Variants in PTPRR observed in about 807,000 individuals in gnomAD.
PTPRR encodes the protein protein tyrosine phosphatase receptor type R.
In PTPRR, 38 loss-of-function variants were observed where a neutral mutation model predicts 77.2. The observed-to-expected ratio is 0.49, with a 90% CI of 0.38 to 0.65. The LOEUF (loss-of-function observed/expected upper bound fraction) is 0.65, where lower values mean the gene tolerates loss of function less well. Among genes scored for constraint, PTPRR ranks in the 30% least tolerant of loss-of-function variants. The pLI, the probability that PTPRR is intolerant of heterozygous loss-of-function variation, is 0.00. For synonymous variants in PTPRR, 299 were observed against 283.1 expected (o/e 1.06, Z -0.57); for missense variants, 744 against 799.2 (o/e 0.93, Z 0.83).
chr12:70,771,041 T>C (rs1443166465), intron 2 of PTPRR, among the ~76,000 whole-genome samples: 1 of 150,482 alleles, frequency 6.6e-6, no homozygotes, highest in African/African-American at 2.4e-5. Context: ...TTTTAGGAGA[T>C]ATACCTAATG....
At chr12:70,756,645 A>T (rs921100466) in intron 4 of PTPRR, among the ~76,000 whole-genome samples, 1 of 152,184 alleles carries the variant, frequency 6.6e-6, no homozygotes, top group African/African-American at 2.4e-5. Flanking sequence ...ACTTAGTTGC[A>T]GTGAAAGAAG....
rs1292530177 is a variant in PTPRR, at chr12:70,754,282, T to C, written c.647A>G (p.Gln216Arg). The change falls in exon 5 of 14, where the codon CAG becomes CGG. Residue 216 changes from glutamine to arginine, a missense_variant. Transcript: ENST00000283228. ...VSPEKNVLQG[Q>R]HEADKIWSKE... ...GCTCCAGATTTTGTCCGCTTCATGCTGCCCTTGTAAAACATTTTTCTTTAA... is the reference window on the plus strand; with the variant it reads ...GCTCCAGATTTTGTCCGCTTCATGCCGCCCTTGTAAAACATTTTTCTTTAA... 3 of 1,613,446 alleles carry C rather than the reference T, an allele frequency of 1.9e-6. No homozygotes were observed. Among genetic ancestry groups the C allele is most frequent in the Admixed American group, 3.3e-5 (2 of 59,794 alleles).
At chr12:70,672,359 G>T in intron 10 of PTPRR, 1 of 1,408,106 alleles carries the variant, frequency 7.1e-7, no homozygotes. Flanking sequence ...TGATGAGATG[G>T]TCCTCCCATC....
intron 1 of PTPRR, among the ~76,000 whole-genome samples, chr12:70,906,751 A>C (rs1415055700): frequency 6.6e-6 from 1 of 152,170 alleles, no homozygotes. Context: ...CTGACACCAA[A>C]TAACCAATTT....
rs1381918467 is a variant in PTPRR, at chr12:70,918,944, C to T, written c.58+1389G>A. ...AAATAATTTAATAATCAAGTCATAG[C>T]TATTTTCTACTTCTCAAAATGTGCC... On this transcript the variant is annotated intron_variant, in intron 1 of 13. Coordinates refer to ENST00000283228, the MANE Select transcript of PTPRR (RefSeq NM_002849.4). 7.9e-5 allele frequency among the ~76,000 whole-genome samples: 12 copies of T among 152,170 alleles called. 1 individual carries two copies. The South Asian group carries it at 2.5e-3, about 31-fold the overall frequency.
chr12:70,829,126 G>A (rs751653125), intron 2 of PTPRR, among the ~76,000 whole-genome samples: 49 of 152,074 alleles, frequency 3.2e-4, no homozygotes, highest in Non-Finnish European at 4.9e-4. Flanking sequence ...GCTCCATGTG[G>A]GCAGTAACTT....
At chr12:70,724,443 T>C (rs1889364832) in intron 6 of PTPRR, among the ~76,000 whole-genome samples, 1 of 152,182 alleles carries the variant, frequency 6.6e-6, no homozygotes, top group Non-Finnish European at 1.5e-5. Flanking sequence ...TGAGATAATA[T>C]GTGTGAAACA....
intron 8 of PTPRR, among the ~76,000 whole-genome samples, chr12:70,688,721 A>G (rs1887956861): frequency 6.6e-6 from 1 of 152,204 alleles, no homozygotes; most frequent in Non-Finnish European, 1.5e-5. Context: ...CAGTATGTTG[A>G]AGGCATTTCT....
intron 2 of PTPRR, among the ~76,000 whole-genome samples, chr12:70,827,092 C>G (rs930876882): frequency 3.9e-5 from 6 of 152,208 alleles, no homozygotes; most frequent in African/African-American, 1.4e-4. Context: ...AGCACTATCC[C>G]CTCCCCAGAT....
intron 8 of PTPRR, among the ~76,000 whole-genome samples, chr12:70,686,088 A>G (rs1214881751): frequency 2.0e-5 from 3 of 152,198 alleles, no homozygotes; most frequent in Non-Finnish European, 4.4e-5. Context: ...AGCAAATTCA[A>G]TGCTTTTCAG....
chr12:70,861,698 C>T (rs1013276277), intron 2 of PTPRR, among the ~76,000 whole-genome samples: 3 of 152,052 alleles, frequency 2.0e-5, no homozygotes, highest in Non-Finnish European at 2.9e-5. Context: ...GCCGGGTAAG[C>T]AGATATACCC....
chr12:70,891,118 C>G (rs1893328900), intron 2 of PTPRR, among the ~76,000 whole-genome samples: 1 of 152,064 alleles, frequency 6.6e-6, no homozygotes, highest in African/African-American at 2.4e-5. Flanking sequence ...CCTATTGCCT[C>G]TATGTAATCA....
At position 70,764,752 on chromosome 12, in the gene PTPRR, C is replaced by G. The variant is rs751707569; in HGVS notation, c.384G>C (p.Leu128=). 5 of 1,614,012 alleles carry G rather than the reference C, an allele frequency of 3.1e-6. No homozygotes were observed. The South Asian group carries it at 5.5e-5, about 18-fold the overall frequency. ...GGAAGATCCGAAGCAAGGTTATGTT[C>G]AGCTTGTTTACATCCATTTGCAGTG... The part of the protein sequence containing the change: ...VVTLQMDVNK[L]NITLLRIFRQ... Residue 128 remains leucine, a synonymous_variant, in exon 3 of 14, where the codon CTG becomes CTC. Transcript: ENST00000283228.
intron 6 of PTPRR, among the ~76,000 whole-genome samples, chr12:70,741,563 C>A (rs1318938927): frequency 2.0e-5 from 3 of 152,056 alleles, no homozygotes; most frequent in African/African-American, 7.2e-5. Flanking sequence ...TTGAAGAAAT[C>A]TGAGAGCAGA....
intron 8 of PTPRR, 81 bp downstream of exon 8, chr12:70,698,184 A>G: frequency 8.3e-7 from 1 of 1,207,620 alleles, no homozygotes; most frequent in South Asian, 1.3e-5. Flanking sequence ...TCAACCCATC[A>G]TCTACATTAG....
At chr12:70,888,462 T>C (rs1893279787) in intron 2 of PTPRR, among the ~76,000 whole-genome samples, 2 of 152,174 alleles carry the variant, frequency 1.3e-5, no homozygotes, top group South Asian at 4.1e-4. Context: ...GTACTTTCAG[T>C]AGTTGTTGTT....
intron 2 of PTPRR, among the ~76,000 whole-genome samples, chr12:70,775,515 G>A (rs1891068540): frequency 6.6e-6 from 1 of 152,120 alleles, no homozygotes; most frequent in South Asian, 2.1e-4. Flanking sequence ...AATTATTTTT[G>A]CCTAGCAGGG....
At chr12:70,846,328 G>A (rs576112370) in intron 2 of PTPRR, among the ~76,000 whole-genome samples, 5 of 152,124 alleles carry the variant, frequency 3.3e-5, no homozygotes, top group Admixed American at 1.3e-4. Flanking sequence ...GTAAAAATGT[G>A]GCTTATGAGC....
At chr12:70,702,229 G>A (rs1046336367) in intron 6 of PTPRR, among the ~76,000 whole-genome samples, 1 of 152,138 alleles carries the variant, frequency 6.6e-6, no homozygotes, top group African/African-American at 2.4e-5. Context: ...TCCTGAGTAG[G>A]AAGTGAGGAT....
Sources: gnomAD v4.1 joint callset for allele counts (sites outside exome capture counted in the v4.1 genomes callset) on GRCh38, gnomAD v4.1.1 for gene constraint, MANE v1.5 for transcripts, NCBI Gene and HGNC (gene_info 2026-07-23, HGNC 2026-07-21) for gene names.